Variants in C7 observed in about 807,000 individuals in gnomAD.
C7 encodes the protein complement component C7.
In C7, 83 loss-of-function variants were observed where a neutral mutation model predicts 104.8. That is an observed-to-expected ratio of 0.79 (90% CI 0.66 to 0.95). The LOEUF is 0.95. Among genes scored for constraint, C7 ranks in the 40% least tolerant of loss-of-function variants. The pLI is 0.00. For missense variants in C7, 1,070 were observed against 1,011.2 expected (o/e 1.06, Z -0.79); for synonymous variants, 415 against 360.6 (o/e 1.15, Z -1.71).
intron 13 of C7, among the ~76,000 whole-genome samples, chr5:40,963,053 G>A (rs1251656594): frequency 1.3e-5 from 2 of 152,104 alleles, no homozygotes; most frequent in Non-Finnish European, 2.9e-5. Context: ...CACAGCCACC[G>A]TAATTCATGG....
intron 1 of C7, among the ~76,000 whole-genome samples, chr5:40,916,563 G>C (rs324066): frequency 0.46 from 70,410 of 151,952 alleles, 17,006 homozygotes; most frequent in African/African-American, 0.62. Context: ...AAAAGATGAT[G>C]GGACCTTAAG....
At chr5:40,920,533 C>A (rs1487478102) in intron 1 of C7, among the ~76,000 whole-genome samples, 2 of 142,676 alleles carry the variant, frequency 1.4e-5, no homozygotes, top group African/African-American at 2.6e-5. Flanking sequence ...AAAGTTCTCC[C>A]ATTAAAAAAA....
intron 1 of C7, among the ~76,000 whole-genome samples, chr5:40,920,051 C>G (rs537450436): frequency 6.6e-6 from 1 of 151,816 alleles, no homozygotes; most frequent in Middle Eastern, 3.2e-3. Context: ...AAAATAAGTT[C>G]TTTTTTGAAA....
intron 3 of C7, 66 bp downstream of exon 3, chr5:40,931,205 G>T: frequency 8.5e-7 from 1 of 1,173,158 alleles, no homozygotes; most frequent in South Asian, 1.3e-5. Flanking sequence ...GGCCAAAATG[G>T]TATTAACTTT....
At position 40,909,574 on chromosome 5, in the gene C7, C is replaced by A. The variant is rs1333218083; in HGVS notation, c.-37C>A. 5 of 1,552,556 alleles carry A rather than the reference C, an allele frequency of 3.2e-6. No homozygotes were observed. Among genetic ancestry groups the A allele is most frequent in the Non-Finnish European group, 4.4e-6 (5 of 1,136,024 alleles). ...CTTACCCGGCCCTTACAGAGGAAAT[C>A]TTCCTCCTCTCTTCTGCCCTGAATG... On this transcript the variant is annotated 5_prime_UTR_variant, in exon 1 of 18. Coordinates refer to ENST00000313164, the MANE Select transcript of C7 (RefSeq NM_000587.4).
chr5:40,975,290 G>A (rs1188637499), intron 15 of C7, among the ~76,000 whole-genome samples: 1 of 151,024 alleles, frequency 6.6e-6, no homozygotes, highest in Non-Finnish European at 1.5e-5. Context: ...TACCACTAAT[G>A]TCTCTTTTAT....
chr5:40,940,038 T>C (rs535682760), intron 6 of C7, among the ~76,000 whole-genome samples: 2 of 152,328 alleles, frequency 1.3e-5, no homozygotes, highest in Non-Finnish European at 2.9e-5. Context: ...GAGTCAGCCA[T>C]GCAAATGCTA....
chr5:40,909,900 G>C (rs866476054), intron 1 of C7, among the ~76,000 whole-genome samples: 1 of 149,964 alleles, frequency 6.7e-6, no homozygotes, highest in Middle Eastern at 3.5e-3. Flanking sequence ...CAATGTTTAT[G>C]AAAGTCCCGA....
Position 40,920,373 on chromosome 5 carries a change from T to C in C7, c.7-8207T>C, listed in dbSNP as rs760133435. Among the ~76,000 whole-genome samples, 8 of 152,082 alleles carry C rather than the reference T, an allele frequency of 5.3e-5. 1 individual carries two copies. The South Asian group carries it at 1.5e-3, about 28-fold the overall frequency. On this transcript the variant is annotated intron_variant, in intron 1 of 17. Transcript: ENST00000313164. The stretch of plus-strand genomic sequence containing the variant: ...CTGTGGATCTGAAGAAAGAGATGGG[T>C]TGCAATACAATATTTACATATTGTA...
chr5:40,942,671 G>A (rs1739964540), intron 6 of C7, among the ~76,000 whole-genome samples: 1 of 152,034 alleles, frequency 6.6e-6, no homozygotes, highest in South Asian at 2.1e-4. Context: ...GAGAAATAAA[G>A]TATTGTTGGC....
At chr5:40,947,290 G>A (rs562378836) in intron 7 of C7, among the ~76,000 whole-genome samples, 3 of 151,658 alleles carry the variant, frequency 2.0e-5, no homozygotes, top group Non-Finnish European at 4.4e-5. Flanking sequence ...AGTAGAGACA[G>A]GGTTTCATCA....
intron 5 of C7, 112 bp from the exon 6 acceptor site, chr5:40,937,440 T>A: frequency 9.7e-7 from 1 of 1,032,636 alleles, no homozygotes; most frequent in Admixed American, 2.7e-5. Context: ...TTAAGTGTAA[T>A]GCATTTTAAG....
rs533199627 is a variant in C7 at position 40,940,911 on chromosome 5, C to A, written c.567+3221C>A. Among the ~76,000 whole-genome samples the A allele has an allele frequency of 1.1e-4, 16 of 152,160 alleles. No homozygotes were observed. The South Asian group carries it at 3.3e-3, about 32-fold the overall frequency. On this transcript the variant is annotated intron_variant, in intron 6 of 17. Transcript: ENST00000313164. ...GCTCCAAACCCCCTCAGAGCAGACACTATACTTACAAGCATTTTATATAGT... is the reference window on the plus strand; with the variant it reads ...GCTCCAAACCCCCTCAGAGCAGACAATATACTTACAAGCATTTTATATAGT...
At chr5:40,979,684 A>G (rs1579880974) in intron 16 of C7, 41 bp from the exon 17 acceptor site, 1 of 1,556,884 alleles carries the variant, frequency 6.4e-7, no homozygotes, top group Non-Finnish European at 8.8e-7. Flanking sequence ...GCTTTTACGA[A>G]CAAAAATCTT....
Position 40,931,085 on chromosome 5 carries a change from C to A in C7, c.84C>A (p.Cys28Ter). Residue 28 changes from cysteine to a stop codon, truncating the protein, a stop_gained, in exon 3 of 18, where the codon TGC becomes TGA. Coordinates refer to ENST00000313164, the MANE Select transcript of C7 (RefSeq NM_000587.4). LOFTEE classifies it high-confidence loss of function. ...SFSSASSPVN[C>*]QWDFYAPWSE... Reference sequence around the variant, plus strand: ...GCAGTGCCTCCTCTCCAGTCAACTGCCAGTGGGACTTCTATGCCCCTTGGT... The same window carrying A: ...GCAGTGCCTCCTCTCCAGTCAACTGACAGTGGGACTTCTATGCCCCTTGGT... The A allele has an allele frequency of 6.2e-7, 1 of 1,613,266 alleles. No homozygotes were observed. Among genetic ancestry groups the A allele is most frequent in the East Asian group, 2.2e-5 (1 of 44,874 alleles).
intron 1 of C7, among the ~76,000 whole-genome samples, chr5:40,910,511 C>G (rs1236380151): frequency 6.6e-6 from 1 of 151,910 alleles, no homozygotes; most frequent in Non-Finnish European, 1.5e-5. Flanking sequence ...TAAGCCATGC[C>G]TTCTGTGAAA....
intron 1 of C7, among the ~76,000 whole-genome samples, chr5:40,924,446 A>G (rs1381186750): frequency 1.3e-5 from 2 of 152,162 alleles, no homozygotes; most frequent in African/African-American, 2.4e-5. Flanking sequence ...TCCAAGCTCA[A>G]TATGCAAGCT....
At chr5:40,969,080 A>G (rs1740633515) in intron 14 of C7, among the ~76,000 whole-genome samples, 1 of 152,072 alleles carries the variant, frequency 6.6e-6, no homozygotes, top group African/African-American at 2.4e-5. Context: ...ATTAGGTATT[A>G]ACATCTTCCA....
intron 16 of C7, among the ~76,000 whole-genome samples, chr5:40,979,443 T>A (rs1207222075): frequency 5.3e-5 from 8 of 152,150 alleles, no homozygotes; most frequent in African/African-American, 1.9e-4. Context: ...CTCATCTAAT[T>A]TGCTGTACCT....
Sources: allele counts gnomAD v4.1 joint callset (sites outside exome capture counted in the v4.1 genomes callset), GRCh38; gene constraint gnomAD v4.1.1; transcripts MANE v1.5; gene names NCBI Gene and HGNC (gene_info 2026-07-23, HGNC 2026-07-21).